MAF: variants seen among roughly 807,000 people sequenced by gnomAD.
The protein encoded by MAF is transcription factor Maf.
A neutral mutation model predicts 22.0 loss-of-function variants in MAF; 10 were observed. That is an observed-to-expected ratio of 0.45 (90% CI 0.28 to 0.77). The LOEUF (loss-of-function observed/expected upper bound fraction) is 0.77. MAF is among the 30% of genes least tolerant of loss of function. MAF has a pLI of 0.12. For synonymous variants in MAF, 337 were observed against 255.8 expected, an observed-to-expected ratio of 1.32 and a Z score of -3.03; for missense variants, 544 against 548.4, an observed-to-expected ratio of 0.99 and a Z score of 0.08.
At chr16:79,221,552 A>G in the MAF span, among the ~76,000 whole-genome samples, 1 of 152,264 alleles carries the variant, frequency 6.6e-6, no homozygotes, top group South Asian at 2.1e-4. Context: ...AAGTATTAAA[A>G]TCACTATGAT....
At chr16:79,243,897 C>G in the MAF span, among the ~76,000 whole-genome samples, 1 of 151,960 alleles carries the variant, frequency 6.6e-6, no homozygotes, top group Non-Finnish European at 1.5e-5. Flanking sequence ...CCCTGGGATG[C>G]AAGGTTAGTT....
At chr16:79,526,312 T>A in the MAF span, among the ~76,000 whole-genome samples, 1 of 152,170 alleles carries the variant, frequency 6.6e-6, no homozygotes, top group Admixed American at 6.5e-5. Context: ...GACCACAACC[T>A]AGATTCCTCA....
the MAF span, among the ~76,000 whole-genome samples, chr16:79,493,593 A>G: frequency 6.6e-6 from 1 of 152,212 alleles, no homozygotes; most frequent in Non-Finnish European, 1.5e-5. Context: ...GATTACAGGC[A>G]TGAGCCACTG....
the MAF span, among the ~76,000 whole-genome samples, chr16:79,375,909 A>G: frequency 6.6e-6 from 1 of 152,220 alleles, no homozygotes; most frequent in Non-Finnish European, 1.5e-5. Context: ...ACATGGATAG[A>G]ATCAGAACAT....
the MAF span, among the ~76,000 whole-genome samples, chr16:79,306,757 T>A: frequency 1.3e-5 from 2 of 152,172 alleles, no homozygotes; most frequent in Non-Finnish European, 2.9e-5. Context: ...CATAGACAGC[T>A]TCACTCTTCA....
chr16:79,268,202 G>T, the MAF span, among the ~76,000 whole-genome samples: 16 of 152,180 alleles, frequency 1.1e-4, no homozygotes, highest in Admixed American at 9.2e-4. Context: ...CCTGGGGTTG[G>T]AATCAGCTAC....
the MAF span, among the ~76,000 whole-genome samples, chr16:79,566,270 T>C: frequency 6.6e-6 from 1 of 152,174 alleles, no homozygotes. Flanking sequence ...CACAGTTTCA[T>C]CTTTGTGGCA....
At chr16:79,480,938 G>A in the MAF span, among the ~76,000 whole-genome samples, 1 of 152,120 alleles carries the variant, frequency 6.6e-6, no homozygotes, top group Non-Finnish European at 1.5e-5. Context: ...TGTGCTTGGT[G>A]CACATCTCTG....
At chr16:79,351,869 G>C in the MAF span, among the ~76,000 whole-genome samples, 1 of 152,146 alleles carries the variant, frequency 6.6e-6, no homozygotes, top group Non-Finnish European at 1.5e-5. Flanking sequence ...GCTTCCTCCA[G>C]GGCTGCCTTT....
At chr16:79,358,186 C>G in the MAF span, among the ~76,000 whole-genome samples, 1 of 152,188 alleles carries the variant, frequency 6.6e-6, no homozygotes, top group African/African-American at 2.4e-5. Context: ...TTTTCAAATA[C>G]TGGCGATGTA....
intron 1 of MAF, chr16:79,595,947 A>T: frequency 9.4e-7 from 1 of 1,061,434 alleles, no homozygotes; most frequent in South Asian, 4.6e-5. Context: ...CAAAACAAAC[A>T]ACTATGATTT....
At chr16:79,386,357 C>G in the MAF span, among the ~76,000 whole-genome samples, 1 of 152,142 alleles carries the variant, frequency 6.6e-6, no homozygotes, top group Admixed American at 6.5e-5. Context: ...GCATTAGATT[C>G]TCATAAGGAA....
chr16:79,448,329 C>G, the MAF span, among the ~76,000 whole-genome samples: 8 of 151,950 alleles, frequency 5.3e-5, no homozygotes, highest in East Asian at 1.5e-3. Context: ...CAAGACCCTC[C>G]ATCCCAAAAA....
chr16:79,475,045 A>G, the MAF span, among the ~76,000 whole-genome samples: 1 of 152,236 alleles, frequency 6.6e-6, no homozygotes, highest in Non-Finnish European at 1.5e-5. Flanking sequence ...CAGTGCACAC[A>G]TGGCCTTGGC....
At chr16:79,294,067 A>G in the MAF span, among the ~76,000 whole-genome samples, 2 of 152,196 alleles carry the variant, frequency 1.3e-5, no homozygotes, top group Non-Finnish European at 2.9e-5. Context: ...AGATTCCATC[A>G]CAATCTACCT....
the MAF span, among the ~76,000 whole-genome samples, chr16:79,337,866 C>T: frequency 2.6e-5 from 4 of 152,184 alleles, no homozygotes; most frequent in East Asian, 3.9e-4. Context: ...TAAATGGAAT[C>T]GTGGCTTTTC....
chr16:79,343,866 A>G, the MAF span, among the ~76,000 whole-genome samples: 5,307 of 152,192 alleles, frequency 0.035, 293 homozygotes, highest in African/African-American at 0.12. Context: ...TTTTTTCTTG[A>G]TAGACAACCT....
the MAF span, among the ~76,000 whole-genome samples, chr16:79,376,785 G>C: frequency 1.9e-4 from 29 of 151,986 alleles, no homozygotes; most frequent in Admixed American, 1.2e-3. Flanking sequence ...TTTGTTTTTT[G>C]TCCTTGTGAC....
At chr16:79,276,788 C>T in the MAF span, among the ~76,000 whole-genome samples, 1 of 152,178 alleles carries the variant, frequency 6.6e-6, no homozygotes, top group Non-Finnish European at 1.5e-5. Flanking sequence ...AACGCATGGC[C>T]TAGAACAACA....
Sources: gnomAD v4.1 joint callset for allele counts (sites outside exome capture counted in the v4.1 genomes callset) on GRCh38, gnomAD v4.1.1 for gene constraint, MANE v1.5 for transcripts, NCBI Gene and HGNC (gene_info 2026-07-23, HGNC 2026-07-21) for gene names.